The following CCDC63 variants were observed in gnomAD, a reference collection of about 807,000 sequenced individuals.
CCDC63 encodes the protein coiled-coil domain-containing protein 63.
Under a neutral mutation model 63.6 loss-of-function variants are expected in CCDC63, and 54 were observed. The ratio of observed to expected loss-of-function variants is 0.85; its 90% CI spans 0.68 to 1.07. The LOEUF (loss-of-function observed/expected upper bound fraction) is 1.07, where lower values mean the gene tolerates loss of function less well. Among genes scored for constraint, CCDC63 ranks in the 50% least tolerant of loss-of-function variants. The pLI, the probability that CCDC63 is intolerant of heterozygous loss-of-function variation, is 0.00. For synonymous variants in CCDC63, 253 were observed against 266.1 expected (o/e 0.95, Z 0.48); for missense variants, 637 against 689.6 (o/e 0.92, Z 0.86).
chr12:110,887,745 C>A (rs1454420359), intron 8 of CCDC63, among the ~76,000 whole-genome samples: 6 of 150,972 alleles, frequency 4.0e-5, no homozygotes, highest in Admixed American at 2.6e-4. Flanking sequence ...ACTACAGGCG[C>A]GCGCCACCAC....
intron 5 of CCDC63, among the ~76,000 whole-genome samples, chr12:110,876,756 A>G (rs1287095776): frequency 6.6e-6 from 1 of 152,078 alleles, no homozygotes; most frequent in Non-Finnish European, 1.5e-5. Flanking sequence ...AAAATAAACC[A>G]GATGTGGTGG....
intron 5 of CCDC63, among the ~76,000 whole-genome samples, chr12:110,877,496 G>T (rs1378966289): frequency 1.3e-5 from 2 of 151,990 alleles, no homozygotes; most frequent in African/African-American, 2.4e-5. Flanking sequence ...GTGATTACAG[G>T]CATGAGCCAC....
chr12:110,897,381 A>C (rs576697785), intron 9 of CCDC63, among the ~76,000 whole-genome samples: 1 of 152,068 alleles, frequency 6.6e-6, no homozygotes, highest in Non-Finnish European at 1.5e-5. Flanking sequence ...TCAGCTCAGG[A>C]GTTCAAGACC....
intron 1 of CCDC63, among the ~76,000 whole-genome samples, chr12:110,851,221 C>T (rs946565500): frequency 5.4e-5 from 8 of 148,300 alleles, no homozygotes; most frequent in African/African-American, 2.0e-4. Flanking sequence ...TGGACATTAC[C>T]CAGAGGTATG....
rs778074972 is a variant in CCDC63 at position 110,866,307 on chromosome 12, C to CTTTT, written c.369+7533_370-7533insTTTT. On this transcript the variant is annotated intron_variant, in intron 4 of 11. Coordinates refer to ENST00000308208, the MANE Select transcript of CCDC63 (RefSeq NM_152591.3). ...GATAAACCGTAATTTGCTTAAGCCACTCTTTTTTTTTTTTTTTAATTTATT... is the reference window on the plus strand; with the variant it reads ...GATAAACCGTAATTTGCTTAAGCCACTTTTTCTTTTTTTTTTTTTTTAATTTATT... Among the ~76,000 whole-genome samples the CTTTT allele has an allele frequency of 8.9e-3, 840 of 94,526 alleles. 3 individuals carry two copies. The highest frequency in any genetic ancestry group is 0.011 in the Non-Finnish European group (550 of 48,348). The allele number at this position is 94,526 out of a possible 152,430, so 62.0% of individuals were successfully genotyped here.
At chr12:110,867,409 C>T (rs2070978667) in intron 4 of CCDC63, among the ~76,000 whole-genome samples, 1 of 126,842 alleles carries the variant, frequency 7.9e-6, no homozygotes. Context: ...GCTGACCCCC[C>T]CATCTCCCTC....
At chr12:110,867,570 G>C in intron 4 of CCDC63, among the ~76,000 whole-genome samples, 1 of 132,884 alleles carries the variant, frequency 7.5e-6, no homozygotes, top group Middle Eastern at 4.3e-3. Context: ...CTGGCCGGGC[G>C]GGGGGCTGAC....
At chr12:110,867,647 C>T (rs1193888842) in intron 4 of CCDC63, among the ~76,000 whole-genome samples, 5 of 122,348 alleles carry the variant, frequency 4.1e-5, no homozygotes, top group African/African-American at 6.5e-5. Context: ...CCAGTAGGGG[C>T]GGCCGGGCAG....
At chr12:110,884,887 TG>T (rs1170048301) in intron 8 of CCDC63, among the ~76,000 whole-genome samples, 2 of 145,316 alleles carry the variant, frequency 1.4e-5, no homozygotes, top group Non-Finnish European at 3.0e-5. Flanking sequence ...TTAGTAGAGA[TG>T]GGGTTTCATC....
intron 5 of CCDC63, among the ~76,000 whole-genome samples, chr12:110,878,607 G>T (rs1254432512): frequency 1.3e-5 from 2 of 152,200 alleles, no homozygotes; most frequent in African/African-American, 4.8e-5. Flanking sequence ...GAGCCACTGT[G>T]CCCAGCCCCC....
chr12:110,878,761 A>T, intron 5 of CCDC63, among the ~76,000 whole-genome samples: 1 of 152,172 alleles, frequency 6.6e-6, no homozygotes, highest in Non-Finnish European at 1.5e-5. Context: ...TGCCCAGGAG[A>T]GGGATTGCTG....
intron 4 of CCDC63, among the ~76,000 whole-genome samples, chr12:110,869,457 T>C (rs1028541464): frequency 6.6e-6 from 1 of 152,172 alleles, no homozygotes; most frequent in African/African-American, 2.4e-5. Flanking sequence ...CTTACTAGTC[T>C]TGAAGGGCAC....
intron 4 of CCDC63, among the ~76,000 whole-genome samples, chr12:110,863,085 A>C (rs1462049600): frequency 2.0e-5 from 3 of 152,048 alleles, no homozygotes; most frequent in Non-Finnish European, 4.4e-5. Context: ...TGAGTTAGTG[A>C]GGGTTTGCAC....
chr12:110,904,353 G>C (rs1437078701), intron 10 of CCDC63, among the ~76,000 whole-genome samples: 1 of 146,188 alleles, frequency 6.8e-6, no homozygotes, highest in Non-Finnish European at 1.5e-5. Context: ...AAAAAAAAAA[G>C]TCAATTATTT....
intron 8 of CCDC63, among the ~76,000 whole-genome samples, chr12:110,888,779 GTCCTTCTTTCCTTCCT>G (rs1566134570): frequency 6.9e-6 from 1 of 144,192 alleles, no homozygotes; most frequent in African/African-American, 2.6e-5. Flanking sequence ...TTTTTTTTTG[GTCCTTCTTTCCTTCCT>G]TCCTTCCTTC....
chr12:110,851,918 G>C (rs1211177480), intron 1 of CCDC63, among the ~76,000 whole-genome samples: 1 of 152,140 alleles, frequency 6.6e-6, no homozygotes, highest in African/African-American at 2.4e-5. Flanking sequence ...AGTGGCTTTG[G>C]AGGAATTTGA....
chr12:110,881,730 C>T (rs1009537975), intron 7 of CCDC63, among the ~76,000 whole-genome samples: 3 of 151,068 alleles, frequency 2.0e-5, no homozygotes, highest in Non-Finnish European at 4.4e-5. Context: ...AAAAAAAATG[C>T]CTAGTTAAAT....
intron 2 of CCDC63, among the ~76,000 whole-genome samples, chr12:110,853,203 A>G (rs1307542570): frequency 1.3e-5 from 2 of 152,054 alleles, no homozygotes; most frequent in Non-Finnish European, 2.9e-5. Context: ...GTATGCAATT[A>G]CAAGTCAGTC....
chr12:110,861,905 A>C (rs1566118945), intron 4 of CCDC63, among the ~76,000 whole-genome samples: 1 of 151,684 alleles, frequency 6.6e-6, no homozygotes, highest in African/African-American at 2.4e-5. Flanking sequence ...TCATCCCTTC[A>C]TCTTTCCCCA....
Sources: allele counts gnomAD v4.1 joint callset (sites outside exome capture counted in the v4.1 genomes callset), GRCh38; gene constraint gnomAD v4.1.1; transcripts MANE v1.5; gene names NCBI Gene and HGNC (gene_info 2026-07-23, HGNC 2026-07-21).